Variants in F13A1 observed in about 807,000 individuals in gnomAD.
F13A1 encodes the protein coagulation factor XIII A chain.
In F13A1, 47 loss-of-function variants were observed where a neutral mutation model predicts 80.1. That is an observed-to-expected ratio of 0.59 (90% confidence interval 0.46 to 0.75). The LOEUF (loss-of-function observed/expected upper bound fraction) is 0.75. F13A1 is among the 30% of genes least tolerant of loss of function. The pLI is 0.00. For synonymous variants in F13A1, 349 were observed against 344.9 expected (o/e 1.01, Z -0.13); for missense variants, 817 against 930.4 (o/e 0.88, Z 1.59).
At chr6:6,165,706 C>T (rs900763018) in intron 13 of F13A1, among the ~76,000 whole-genome samples, 3 of 152,222 alleles carry the variant, frequency 2.0e-5, no homozygotes, top group Non-Finnish European at 2.9e-5. Flanking sequence ...AGAACAGCTT[C>T]GGGGTTAGGG....
intron 3 of F13A1, among the ~76,000 whole-genome samples, chr6:6,303,428 GT>G (rs1480848896): frequency 2.0e-5 from 3 of 152,084 alleles, no homozygotes; most frequent in African/African-American, 7.2e-5. Context: ...TGTTTATGGG[GT>G]TTTGGGATGT....
At chr6:6,298,356 C>T (rs576458182) in intron 3 of F13A1, among the ~76,000 whole-genome samples, 1,612 of 149,278 alleles carry the variant, frequency 0.011, 32 homozygotes, top group African/African-American at 0.037. Flanking sequence ...GGTGTTAAAG[C>T]CTCCCATTAT....
intron 3 of F13A1, among the ~76,000 whole-genome samples, chr6:6,302,829 G>A (rs1375147687): frequency 6.6e-6 from 1 of 152,190 alleles, no homozygotes; most frequent in Non-Finnish European, 1.5e-5. Context: ...CTGAAATGTT[G>A]CTATGTGGCA....
In F13A1 at chr6:6,182,044, T is replaced by C. The variant is rs1013009273; in HGVS notation, c.1403A>G (p.Lys468Arg). ...CATCATGCCATCTCCTCCAATTTGT[T>C]TGGTCACAATTAATTTCCCAATGTG... ...ATHIGKLIVTKQIGGDGMMDI... is the reference protein window; with the variant it reads ...ATHIGKLIVTRQIGGDGMMDI... Residue 468 changes from lysine (K) to arginine (R), a missense_variant, in exon 11 of 15, where the codon AAA becomes AGA. Coordinates refer to ENST00000264870, the MANE Select transcript of F13A1 (RefSeq NM_000129.4). 2.5e-6 allele frequency: 4 copies of C among 1,614,078 alleles called. No individual in the cohort carries two copies. The African/African-American group carries it at 5.3e-5, about 22-fold the overall frequency.
intron 3 of F13A1, among the ~76,000 whole-genome samples, chr6:6,290,908 A>G (rs1758215630): frequency 6.6e-6 from 1 of 152,244 alleles, no homozygotes; most frequent in African/African-American, 2.4e-5. Context: ...ACACGTTACA[A>G]GCTGCACAGT....
At chr6:6,265,762 T>C (rs1428089734) in intron 4 of F13A1, among the ~76,000 whole-genome samples, 2 of 152,230 alleles carry the variant, frequency 1.3e-5, no homozygotes, top group African/African-American at 2.4e-5. Context: ...AGACTTTCTG[T>C]TCTTAAAGTA....
At chr6:6,278,198 T>C (rs1377507544) in intron 3 of F13A1, among the ~76,000 whole-genome samples, 2 of 152,172 alleles carry the variant, frequency 1.3e-5, no homozygotes, top group Non-Finnish European at 2.9e-5. Flanking sequence ...TGTCAACACA[T>C]AAAGATTAAT....
At chr6:6,305,990 A>G (rs1360287276) in intron 2 of F13A1, among the ~76,000 whole-genome samples, 3 of 152,222 alleles carry the variant, frequency 2.0e-5, no homozygotes, top group Non-Finnish European at 4.4e-5. Flanking sequence ...AAGGAATCAA[A>G]TCTGACAAAG....
chr6:6,149,026 A>G (rs1343401133), intron 14 of F13A1, among the ~76,000 whole-genome samples: 4 of 152,182 alleles, frequency 2.6e-5, no homozygotes, highest in African/African-American at 4.8e-5. Flanking sequence ...ATAGAAGCAA[A>G]GAGCAGAACA....
intron 3 of F13A1, among the ~76,000 whole-genome samples, chr6:6,280,849 C>G (rs1010784932): frequency 1.3e-5 from 2 of 152,182 alleles, no homozygotes; most frequent in African/African-American, 4.8e-5. Context: ...ATATTGCCTT[C>G]CGTAAATAAC....
intron 14 of F13A1, among the ~76,000 whole-genome samples, chr6:6,148,057 A>G (rs182985203): frequency 6.6e-6 from 1 of 152,308 alleles, no homozygotes; most frequent in Admixed American, 6.5e-5. Context: ...CTTCTGTCCT[A>G]TTTGAGAAAC....
At chr6:6,180,521 G>GC (rs1323640341) in intron 11 of F13A1, among the ~76,000 whole-genome samples, 5 of 152,190 alleles carry the variant, frequency 3.3e-5, no homozygotes, top group African/African-American at 1.2e-4. Flanking sequence ...CTATGAACTT[G>GC]CTTTTTTGTT....
At chr6:6,225,200 G>A (rs965854664) in intron 6 of F13A1, among the ~76,000 whole-genome samples, 1 of 152,054 alleles carries the variant, frequency 6.6e-6, no homozygotes, top group Admixed American at 6.6e-5. Flanking sequence ...AGAATGATGT[G>A]GGGAAGAGAG....
intron 10 of F13A1, among the ~76,000 whole-genome samples, chr6:6,191,966 C>T (rs930988439): frequency 5.9e-5 from 9 of 152,208 alleles, no homozygotes; most frequent in Admixed American, 4.6e-4. Flanking sequence ...GCGAAGGCCT[C>T]TTTGAAGAGG....
intron 8 of F13A1, among the ~76,000 whole-genome samples, chr6:6,210,922 G>T (rs749975638): frequency 1.1e-4 from 17 of 152,014 alleles, no homozygotes; most frequent in Non-Finnish European, 2.2e-4. Flanking sequence ...GTAGAGACAG[G>T]TTATCACCGT....
chr6:6,205,696 G>A (rs994740559), intron 8 of F13A1, among the ~76,000 whole-genome samples: 3 of 151,896 alleles, frequency 2.0e-5, no homozygotes, highest in African/African-American at 4.8e-5. Context: ...TTTCCCCATG[G>A]TGTGATTACG....
intron 4 of F13A1, among the ~76,000 whole-genome samples, chr6:6,265,097 C>T (rs574087370): frequency 1.3e-5 from 2 of 152,200 alleles, no homozygotes; most frequent in Non-Finnish European, 2.9e-5. Context: ...CACGTCTCTA[C>T]AAAAAGTAAA....
intron 3 of F13A1, among the ~76,000 whole-genome samples, chr6:6,294,524 TCACA>T (rs142401119): frequency 1.5e-4 from 23 of 148,656 alleles, no homozygotes; most frequent in African/African-American, 2.7e-4. Context: ...CACACAACAC[TCACA>T]CACACACACA....
chr6:6,243,910 C>T lies in F13A1; in HGVS notation c.798+4402G>A, dbSNP rs564709722. 2.0e-5 allele frequency among the ~76,000 whole-genome samples: 3 copies of T among 152,346 alleles called. No individual in the cohort carries two copies. In the South Asian group the frequency reaches 6.2e-4, roughly 32 times the overall value. ...GCAGTAGCGGCAGCCTTTGCAGAAG[C>T]AGCTGCATCTCCTTGGGGGAAATTC... On this transcript the variant is annotated intron_variant, in intron 6 of 14. Transcript: ENST00000264870. The surrounding 1 kb of genome is among the most constrained non-coding windows in gnomAD (Gnocchi z 4.2).
Sources: allele counts gnomAD v4.1 joint callset (sites outside exome capture counted in the v4.1 genomes callset), GRCh38; gene constraint gnomAD v4.1.1; non-coding constraint Gnocchi (gnomAD v3.1); transcripts MANE v1.5; gene names NCBI Gene and HGNC (gene_info 2026-07-23, HGNC 2026-07-21).